The following TRPC7 variants were observed in gnomAD, a reference collection of about 807,000 sequenced individuals.
The protein encoded by TRPC7 is transient receptor potential cation channel subfamily C member 7, also known as short transient receptor potential channel 7.
TRPC7 carries 42 observed loss-of-function variants against 90.1 expected under a neutral mutation model. The observed-to-expected ratio is 0.47, with a 90% CI of 0.36 to 0.60. The LOEUF is 0.60. Among genes scored for constraint, TRPC7 ranks in the 20% least tolerant of loss-of-function variants. The pLI is 0.00. For missense variants in TRPC7, 955 were observed against 1,112.3 expected, an observed-to-expected ratio of 0.86 and a Z score of 2.01; for synonymous variants, 451 against 436.3, an observed-to-expected ratio of 1.03 and a Z score of -0.42.
At chr5:136,218,001 G>T (rs1413861100) in intron 10 of TRPC7, among the ~76,000 whole-genome samples, 1 of 132,220 alleles carries the variant, frequency 7.6e-6, no homozygotes, top group African/African-American at 2.9e-5. Flanking sequence ...CTGGGCAACA[G>T]AGCAAGACTC....
chr5:136,224,011 G>T (rs1755547462), intron 10 of TRPC7, among the ~76,000 whole-genome samples: 1 of 152,104 alleles, frequency 6.6e-6, no homozygotes, highest in African/African-American at 2.4e-5. Context: ...TTTCTTAATT[G>T]TGCAATTAAA....
chr5:136,256,221 T>G (rs1938593361), intron 5 of TRPC7, among the ~76,000 whole-genome samples: 1 of 152,092 alleles, frequency 6.6e-6, no homozygotes, highest in South Asian at 2.1e-4. Context: ...GCCCCTCCCA[T>G]TGCTCCTCCT....
At chr5:136,226,617 G>T (rs997140392) in intron 8 of TRPC7, among the ~76,000 whole-genome samples, 2 of 152,178 alleles carry the variant, frequency 1.3e-5, no homozygotes, top group African/African-American at 4.8e-5. Flanking sequence ...TCTGCTAGCT[G>T]ATTCACCAGC....
At chr5:136,260,139 A>G (rs1284111799) in intron 5 of TRPC7, among the ~76,000 whole-genome samples, 2 of 152,208 alleles carry the variant, frequency 1.3e-5, no homozygotes, top group Non-Finnish European at 2.9e-5. Context: ...TTGTCAACAC[A>G]AGTGGCCATT....
At chr5:136,287,685 CTCAAAAAAAAAAAAAAA>C (rs1757769159) in intron 3 of TRPC7, among the ~76,000 whole-genome samples, 2 of 56,738 alleles carry the variant, frequency 3.5e-5, no homozygotes, top group Non-Finnish European at 3.2e-5. Context: ...AGAGTGGATG[CTCAAAAAAAAAAAAAAA>C]AAAAAAAAAA....
chr5:136,256,215 CT>C (rs1756680374), intron 5 of TRPC7, among the ~76,000 whole-genome samples: 1 of 152,134 alleles, frequency 6.6e-6, no homozygotes, highest in Non-Finnish European at 1.5e-5. Flanking sequence ...CCTCCTGCCC[CT>C]CCCATTGCTC....
chr5:136,286,249 C>G (rs1307051229), intron 3 of TRPC7, among the ~76,000 whole-genome samples: 3 of 152,166 alleles, frequency 2.0e-5, no homozygotes, highest in African/African-American at 7.2e-5. Flanking sequence ...TAATATGTCC[C>G]ATCCCACATG....
chr5:136,332,390 T>G (rs558393108), intron 2 of TRPC7, among the ~76,000 whole-genome samples: 1 of 152,016 alleles, frequency 6.6e-6, no homozygotes, highest in Admixed American at 6.6e-5. Context: ...TATGGCGAGA[T>G]GGGGAGGCAC....
At chr5:136,243,523 T>C (rs1756235183) in intron 7 of TRPC7, among the ~76,000 whole-genome samples, 1 of 152,098 alleles carries the variant, frequency 6.6e-6, no homozygotes, top group South Asian at 2.1e-4. Flanking sequence ...GGGAAGATTA[T>C]GAGCTGGGCA....
rs773750547 is a variant in TRPC7, at chr5:136,356,713, C to T, written c.675G>A (p.Leu225=). The change falls in exon 2 of 12, where the codon CTG becomes CTA. Residue 225 remains leucine (L), a synonymous_variant. Coordinates refer to ENST00000513104, the MANE Select transcript of TRPC7 (RefSeq NM_020389.3). ...ACAGGGACAAGTAGGCAGCACTCGC[C>T]AGTCCTTTGTAGGCGTTCATGCGCG... ...SRSRMNAYKG[L]ASAAYLSLSS... The T allele has an allele frequency of 2.5e-6, 4 of 1,611,614 alleles. No individual in the cohort carries two copies. In the East Asian group the frequency reaches 6.7e-5, roughly 27 times the overall value.
intron 7 of TRPC7, among the ~76,000 whole-genome samples, chr5:136,237,402 G>A (rs796677019): frequency 1.4e-4 from 21 of 152,296 alleles, no homozygotes; most frequent in African/African-American, 4.6e-4. Flanking sequence ...CTTCATCTTC[G>A]AAACTGCAAA....
At chr5:136,329,024 G>T (rs1269772982) in intron 2 of TRPC7, among the ~76,000 whole-genome samples, 2 of 152,214 alleles carry the variant, frequency 1.3e-5, no homozygotes, top group African/African-American at 2.4e-5. Context: ...CCTCAGCCAG[G>T]CAGTGCTGAC....
chr5:136,325,117 C>T (rs569195331), intron 2 of TRPC7, among the ~76,000 whole-genome samples: 2 of 152,276 alleles, frequency 1.3e-5, no homozygotes, highest in Admixed American at 6.5e-5. Context: ...GTGTTTAAAA[C>T]ATTTTAATTG....
At chr5:136,257,018 T>C (rs1756707103) in intron 5 of TRPC7, among the ~76,000 whole-genome samples, 3 of 152,282 alleles carry the variant, frequency 2.0e-5, no homozygotes, top group African/African-American at 7.2e-5. Context: ...TCTTCCCTGG[T>C]CAGAGCCTGG....
In TRPC7 at chr5:136,299,336, T is replaced by C. The variant is rs1013209647; in HGVS notation, c.963+16261A>G. On this transcript the variant is annotated intron_variant, in intron 3 of 11. Transcript: ENST00000513104. ...AAAAGAAATTTCTCTGACTGGGGTGTGTGCGTGTGTGTGTGTGTGTGTGTG... is the reference window on the plus strand; with the variant it reads ...AAAAGAAATTTCTCTGACTGGGGTGCGTGCGTGTGTGTGTGTGTGTGTGTG... 7.3e-5 allele frequency among the ~76,000 whole-genome samples: 7 copies of C among 95,432 alleles called. No individual in the cohort carries two copies. In the South Asian group the frequency reaches 1.5e-3, roughly 21 times the overall value. 62.6% of individuals were successfully genotyped at this position (95,432 alleles called of 152,430 possible).
chr5:136,302,118 G>A lies in TRPC7; in HGVS notation c.963+13479C>T, dbSNP rs184404288. Among the ~76,000 whole-genome samples, 289 of 152,270 alleles carry A rather than the reference G, an allele frequency of 1.9e-3. 2 individuals carry two copies. The highest frequency in any genetic ancestry group is 6.4e-3 in the African/African-American group (266 of 41,548). Reference sequence around the variant, plus strand: ...CTTTCATTTTCTGGTAGAGACAAAGGAGACATGTTTTATCTGTGGACCCAA... The same window carrying A: ...CTTTCATTTTCTGGTAGAGACAAAGAAGACATGTTTTATCTGTGGACCCAA... On this transcript the variant is annotated intron_variant, in intron 3 of 11. Coordinates refer to ENST00000513104, the MANE Select transcript of TRPC7 (RefSeq NM_020389.3).
chr5:136,236,810 C>T (rs1208848191), intron 7 of TRPC7, among the ~76,000 whole-genome samples: 1 of 152,172 alleles, frequency 6.6e-6, no homozygotes, highest in Non-Finnish European at 1.5e-5. Flanking sequence ...TTCAGAATGC[C>T]ATATCTCTCT....
intron 3 of TRPC7, among the ~76,000 whole-genome samples, chr5:136,312,224 G>A (rs1047737959): frequency 6.6e-6 from 1 of 152,266 alleles, no homozygotes; most frequent in African/African-American, 2.4e-5. Context: ...CAGAAGTCAC[G>A]GGGGTAAAAC....
At chr5:136,251,606 C>A in intron 6 of TRPC7, 43 bp downstream of exon 6, 3 of 1,490,010 alleles carry the variant, frequency 2.0e-6, no homozygotes, top group South Asian at 2.4e-5. Flanking sequence ...GCCCACGTCC[C>A]GGAAGCGCCA....
Sources: gnomAD v4.1 joint callset for allele counts (sites outside exome capture counted in the v4.1 genomes callset) on GRCh38, gnomAD v4.1.1 for gene constraint, MANE v1.5 for transcripts, NCBI Gene and HGNC (gene_info 2026-07-23, HGNC 2026-07-21) for gene names.